IL1RAPL1: variants seen among roughly 807,000 people sequenced by gnomAD.
IL1RAPL1 encodes the protein interleukin-1 receptor accessory protein-like 1.
In IL1RAPL1, 3 loss-of-function variants were observed where a neutral mutation model predicts 48.4. The ratio of observed to expected loss-of-function variants is 0.06; its 90% CI spans 0.03 to 0.16. The LOEUF is 0.16. Ranked by LOEUF, IL1RAPL1 falls within the 10% of genes least tolerant of loss-of-function variation. The probability of loss-of-function intolerance (pLI) is 1.00; values close to 1 mark genes in which losing one functional copy is unlikely to be tolerated. For missense variants in IL1RAPL1, 349 were observed against 530.6 expected, an observed-to-expected ratio of 0.66 and a Z score of 3.36; for synonymous variants, 185 against 187.7, an observed-to-expected ratio of 0.99 and a Z score of 0.12.
At chrX:28,629,917 C>G (rs947370856) in intron 1 of IL1RAPL1, among the ~76,000 whole-genome samples, 1 of 111,767 alleles carries the variant, frequency 8.9e-6, no homozygotes, top group Non-Finnish European at 1.9e-5. Context: ...AGCTTTGAAA[C>G]AGCATCATGA....
intron 6 of IL1RAPL1, among the ~76,000 whole-genome samples, chrX:29,900,949 A>G (rs765350713): frequency 3.6e-5 from 4 of 112,064 alleles, no homozygotes; most frequent in Non-Finnish European, 7.5e-5. Context: ...ATTTCTCTCG[A>G]TAAATAAACC....
chrX:29,041,722 C>T (rs1926850641), intron 2 of IL1RAPL1, among the ~76,000 whole-genome samples: 1 of 111,948 alleles, frequency 8.9e-6, no homozygotes, highest in African/African-American at 3.2e-5. Context: ...CTTCTACAAA[C>T]ATTTACTGAA....
intron 2 of IL1RAPL1, among the ~76,000 whole-genome samples, chrX:28,834,410 T>A (rs1023043224): frequency 7.2e-5 from 8 of 111,297 alleles, no homozygotes; most frequent in Non-Finnish European, 1.5e-4. Context: ...GAATGGAGAT[T>A]TTTTTGGATA....
chrX:29,670,866 G>A (rs1390914230), intron 6 of IL1RAPL1, among the ~76,000 whole-genome samples: 1 of 111,888 alleles, frequency 8.9e-6, no homozygotes, highest in Non-Finnish European at 1.9e-5. Flanking sequence ...CTGCGCCCAT[G>A]ATGGGGAACT....
rs1260870141 is a variant in IL1RAPL1, at chrX:29,912,358, A to G, written c.779-5106A>G. ...TCAAAGGATATTAAGCAGGTTATTC[A>G]TTAATTTGAGATTATGTATTGAGTT... On this transcript the variant is annotated intron_variant, in intron 6 of 10. Transcript: ENST00000378993. Among the ~76,000 whole-genome samples, 4 of 112,150 alleles carry G rather than the reference A, an allele frequency of 3.6e-5. No homozygotes were observed. In the East Asian group the frequency reaches 8.4e-4, roughly 24 times the overall value.
intron 5 of IL1RAPL1, among the ~76,000 whole-genome samples, chrX:29,570,501 A>G (rs1922558799): frequency 8.9e-6 from 1 of 112,473 alleles, no homozygotes; most frequent in Admixed American, 9.4e-5. Context: ...ACTACTTAAA[A>G]GTATGGGAGT....
At chrX:29,450,523 C>A (rs994339680) in intron 5 of IL1RAPL1, among the ~76,000 whole-genome samples, 1 of 111,511 alleles carries the variant, frequency 9.0e-6, no homozygotes, top group Non-Finnish European at 1.9e-5. Context: ...GATTTTGCCC[C>A]CAAGCCATAG....
At chrX:29,683,338 A>C (rs1361815384) in intron 6 of IL1RAPL1, among the ~76,000 whole-genome samples, 1 of 112,074 alleles carries the variant, frequency 8.9e-6, no homozygotes, top group Non-Finnish European at 1.9e-5. Context: ...CAAGACGCCA[A>C]GACTTCCTGT....
chrX:28,687,974 T>A (rs1394615912), intron 1 of IL1RAPL1, among the ~76,000 whole-genome samples: 2 of 107,068 alleles, frequency 1.9e-5, no homozygotes, highest in African/African-American at 6.8e-5. Flanking sequence ...TGGTGGTACA[T>A]GCTACAGTAA....
intron 2 of IL1RAPL1, among the ~76,000 whole-genome samples, chrX:29,186,430 A>G (rs1358117888): frequency 5.4e-5 from 6 of 111,733 alleles, no homozygotes; most frequent in Non-Finnish European, 9.4e-5. Flanking sequence ...ACTCTGCAAT[A>G]GTAAAAATAT....
intron 5 of IL1RAPL1, among the ~76,000 whole-genome samples, chrX:29,439,131 A>G (rs1022810052): frequency 1.8e-5 from 2 of 111,440 alleles, no homozygotes; most frequent in Admixed American, 1.9e-4. Flanking sequence ...AAAGTTTGCA[A>G]TAGCAGTCAT....
At chrX:29,480,380 G>A (rs998086847) in intron 5 of IL1RAPL1, among the ~76,000 whole-genome samples, 5 of 100,501 alleles carry the variant, frequency 5.0e-5, no homozygotes, top group Non-Finnish European at 9.9e-5. Flanking sequence ...TCACAACATC[G>A]GTTATAACCA....
intron 2 of IL1RAPL1, among the ~76,000 whole-genome samples, chrX:29,224,116 C>T (rs758138625): frequency 9.0e-6 from 1 of 111,358 alleles, no homozygotes; most frequent in South Asian, 3.8e-4. Context: ...CAGACTGATT[C>T]AGTAGGGACT....
intron 6 of IL1RAPL1, among the ~76,000 whole-genome samples, chrX:29,742,265 G>A (rs990347441): frequency 3.6e-5 from 4 of 111,859 alleles, no homozygotes; most frequent in South Asian, 3.7e-4. Flanking sequence ...TCTTAAACCT[G>A]CATTGTTATG....
chrX:29,726,594 A>T (rs1927780143), intron 6 of IL1RAPL1, among the ~76,000 whole-genome samples: 2 of 112,388 alleles, frequency 1.8e-5, no homozygotes, highest in Non-Finnish European at 3.8e-5. Context: ...CAAGACAGGG[A>T]TGAAGACCCT....
intron 2 of IL1RAPL1, among the ~76,000 whole-genome samples, chrX:29,277,447 T>A (rs1932137248): frequency 8.9e-6 from 1 of 112,355 alleles, no homozygotes; most frequent in Non-Finnish European, 1.9e-5. Context: ...GTTAAAGAAT[T>A]GTTCAGAGAA....
At chrX:28,709,793 G>C (rs746539407) in intron 1 of IL1RAPL1, among the ~76,000 whole-genome samples, 2 of 111,546 alleles carry the variant, frequency 1.8e-5, no homozygotes, top group Admixed American at 1.9e-4. Context: ...GATTGGTACA[G>C]GTTTTTAGGC....
intron 2 of IL1RAPL1, among the ~76,000 whole-genome samples, chrX:28,982,521 A>G (rs1925368044): frequency 8.9e-6 from 1 of 112,056 alleles, no homozygotes; most frequent in South Asian, 3.7e-4. Flanking sequence ...ATAACACCAC[A>G]CTATTTGCAT....
intron 6 of IL1RAPL1, among the ~76,000 whole-genome samples, chrX:29,782,364 C>T (rs755495485): frequency 9.0e-6 from 1 of 111,541 alleles, no homozygotes; most frequent in Admixed American, 9.5e-5. Flanking sequence ...AATATACATA[C>T]ATTTTGCGTA....
Sources: allele counts gnomAD v4.1 joint callset (sites outside exome capture counted in the v4.1 genomes callset), GRCh38; gene constraint gnomAD v4.1.1; transcripts MANE v1.5; gene names NCBI Gene and HGNC (gene_info 2026-07-23, HGNC 2026-07-21).